Variants in PRKAG2 observed in about 807,000 individuals in gnomAD.
PRKAG2 encodes 5'-AMP-activated protein kinase subunit gamma-2.
In PRKAG2, 26 loss-of-function variants were observed where a neutral mutation model predicts 69.6. That is an observed-to-expected ratio of 0.37 (90% confidence interval 0.27 to 0.52). PRKAG2 has a LOEUF of 0.52. Among genes scored for constraint, PRKAG2 ranks in the 20% least tolerant of loss-of-function variants. The pLI is 0.90. For missense variants in PRKAG2, 557 were observed against 740.0 expected (o/e 0.75, Z 2.87); for synonymous variants, 293 against 285.0 (o/e 1.03, Z -0.28).
chr7:151,817,185 G>A (rs1225290527), intron 1 of PRKAG2, among the ~76,000 whole-genome samples: 2 of 152,098 alleles, frequency 1.3e-5, no homozygotes, highest in Non-Finnish European at 2.9e-5. Context: ...TCCCTGGAGG[G>A]CGGAGTCAGC....
At chr7:151,853,298 A>G (rs1045998104) in intron 1 of PRKAG2, among the ~76,000 whole-genome samples, 1 of 152,210 alleles carries the variant, frequency 6.6e-6, no homozygotes, top group Non-Finnish European at 1.5e-5. Flanking sequence ...CGGTTTCAGA[A>G]AAGGGGAAAA....
chr7:151,587,797 G>C (rs998662909), intron 6 of PRKAG2, among the ~76,000 whole-genome samples: 1 of 152,164 alleles, frequency 6.6e-6, no homozygotes, highest in Non-Finnish European at 1.5e-5. Context: ...ACCTAGATGG[G>C]ATCCTCCAAC....
chr7:151,693,018 G>A (rs943569274), intron 3 of PRKAG2, among the ~76,000 whole-genome samples: 3 of 152,206 alleles, frequency 2.0e-5, no homozygotes, highest in African/African-American at 7.2e-5. Flanking sequence ...GAGAAGGGGA[G>A]GGGGCAGGAG....
rs955456508 is a variant in PRKAG2 at position 151,804,157 on chromosome 7, G to A, written c.115-17616C>T. Among the ~76,000 whole-genome samples the A allele has an allele frequency of 2.0e-5, 3 of 152,090 alleles. No homozygotes were observed. The East Asian group carries it at 5.8e-4, about 29-fold the overall frequency. On this transcript the variant is annotated intron_variant, in intron 1 of 15. Transcript: ENST00000287878. Reference sequence around the variant, plus strand: ...GTGTCTTACTGCCTCGCCTATCTGGGAGATCTTTCAATATCAGCACGTAGG... The same window carrying A: ...GTGTCTTACTGCCTCGCCTATCTGGAAGATCTTTCAATATCAGCACGTAGG...
intron 3 of PRKAG2, among the ~76,000 whole-genome samples, chr7:151,753,903 G>A (rs1384259596): frequency 1.3e-5 from 2 of 152,110 alleles, no homozygotes; most frequent in African/African-American, 4.8e-5. Context: ...GCATGATGGT[G>A]CACACCTGTA....
intron 1 of PRKAG2, among the ~76,000 whole-genome samples, chr7:151,798,052 T>C (rs955147470): frequency 5.9e-5 from 9 of 152,244 alleles, no homozygotes; most frequent in Admixed American, 2.0e-4. Flanking sequence ...TCATCCAGGC[T>C]GGAATGCAAT....
At chr7:151,557,294 A>T in intron 15 of PRKAG2, 62 bp from the exon 16 acceptor site, 1 of 1,613,558 alleles carries the variant, frequency 6.2e-7, no homozygotes, top group Non-Finnish European at 8.5e-7. Context: ...TCTCTACCCC[A>T]GGGGTTTCTA....
chr7:151,624,904 T>C (rs1272552453), intron 5 of PRKAG2, among the ~76,000 whole-genome samples: 1 of 152,204 alleles, frequency 6.6e-6, no homozygotes, highest in African/African-American at 2.4e-5. Context: ...GAAATAACAT[T>C]GACCACCTGA....
At chr7:151,782,339 A>C (rs13243783) in intron 2 of PRKAG2, among the ~76,000 whole-genome samples, 1 of 25,348 alleles carries the variant, frequency 3.9e-5, no homozygotes, top group Admixed American at 5.4e-4. Flanking sequence ...GAAGGAAGGA[A>C]GGAGGGAGGG....
chr7:151,693,775 G>A (rs1190645281), intron 3 of PRKAG2, among the ~76,000 whole-genome samples: 3 of 152,196 alleles, frequency 2.0e-5, no homozygotes, highest in Non-Finnish European at 2.9e-5. Context: ...ATGTGAGGAC[G>A]CAGCCAGGAG....
intron 4 of PRKAG2, among the ~76,000 whole-genome samples, chr7:151,658,434 A>G (rs985109597): frequency 6.0e-5 from 9 of 150,792 alleles, no homozygotes; most frequent in Admixed American, 5.3e-4. Context: ...GCAGTAAGCC[A>G]AGATCACGCC....
intron 1 of PRKAG2, among the ~76,000 whole-genome samples, chr7:151,795,799 C>A (rs2077473233): frequency 2.1e-5 from 3 of 140,454 alleles, no homozygotes; most frequent in Admixed American, 7.3e-5. Context: ...GGATTCGGGA[C>A]TTTCCAGTTC....
At chr7:151,595,216 C>A in intron 6 of PRKAG2, 129 bp downstream of exon 6, 1 of 694,228 alleles carries the variant, frequency 1.4e-6, no homozygotes, top group Non-Finnish European at 2.5e-6. Flanking sequence ...CAGATAAAAC[C>A]TCAGCACAGT....
At chr7:151,676,050 C>T (rs1585686336) in intron 3 of PRKAG2, among the ~76,000 whole-genome samples, 1 of 152,166 alleles carries the variant, frequency 6.6e-6, no homozygotes, top group African/African-American at 2.4e-5. Context: ...AACTTTTACA[C>T]ACACCCTCCA....
At chr7:151,672,302 C>T (rs1479628381) in intron 4 of PRKAG2, among the ~76,000 whole-genome samples, 3 of 151,436 alleles carry the variant, frequency 2.0e-5, no homozygotes, top group South Asian at 2.1e-4. Context: ...GGGGCTTCAC[C>T]GTATTAGCCA....
Position 151,587,471 on chromosome 7 carries a change from G to A in PRKAG2, c.864+7874C>T, listed in dbSNP as rs144807084. Among the ~76,000 whole-genome samples, 218 of 152,272 alleles carry A rather than the reference G, an allele frequency of 1.4e-3. 1 individual carries two copies. Among genetic ancestry groups the A allele is most frequent in the African/African-American group, 5.2e-3 (214 of 41,544 alleles). The stretch of plus-strand genomic sequence containing the variant: ...CTTCTTGGGACTATGGCATGGAAAG[G>A]AGGAAGAAGAATCATCTCATGGTGG... On this transcript the variant is annotated intron_variant, in intron 6 of 15. Coordinates refer to ENST00000287878, the MANE Select transcript of PRKAG2 (RefSeq NM_016203.4).
chr7:151,744,302 A>C (rs2074119652), intron 3 of PRKAG2, among the ~76,000 whole-genome samples: 1 of 152,174 alleles, frequency 6.6e-6, no homozygotes, highest in Admixed American at 6.5e-5. Context: ...TTGTCCCACT[A>C]ACGTGGTGCT....
Position 151,739,438 on chromosome 7 carries a change from C to CTTTATTTATTTA in PRKAG2, c.466+41702_466+41713dup, listed in dbSNP as rs58335250. On this transcript the variant is annotated intron_variant, in intron 3 of 15. Coordinates refer to ENST00000287878, the MANE Select transcript of PRKAG2 (RefSeq NM_016203.4). The stretch of plus-strand genomic sequence containing the variant: ...GGAGTCCTATAAGGCATGACCCAGC[C>CTTTATTTATTTA]TTTATTTATTTATTTATTTATTTAT... Among the ~76,000 whole-genome samples the CTTTATTTATTTA allele has an allele frequency of 3.5e-3, 517 of 147,442 alleles. 2 individuals are homozygous for CTTTATTTATTTA. Among genetic ancestry groups the CTTTATTTATTTA allele is most frequent in the African/African-American group, 0.011 (438 of 40,082 alleles).
chr7:151,837,990 T>C (rs1192380344), intron 1 of PRKAG2, among the ~76,000 whole-genome samples: 4 of 151,596 alleles, frequency 2.6e-5, no homozygotes, highest in Non-Finnish European at 4.4e-5. Context: ...CACAGGACCC[T>C]GGAGGAGGCC....
Sources: gnomAD v4.1 joint callset for allele counts (sites outside exome capture counted in the v4.1 genomes callset) on GRCh38, gnomAD v4.1.1 for gene constraint, MANE v1.5 for transcripts, NCBI Gene and HGNC (gene_info 2026-07-23, HGNC 2026-07-21) for gene names.